Variants in PHACTR2 observed in about 807,000 individuals in gnomAD.
The protein encoded by PHACTR2 is chromosome 6 open reading frame 56.
In PHACTR2, 30 loss-of-function variants were observed where a neutral mutation model predicts 76.0. The observed-to-expected ratio is 0.39, with a 90% confidence interval of 0.30 to 0.54. The LOEUF (loss-of-function observed/expected upper bound fraction) is 0.54, where lower values mean the gene tolerates loss of function less well. Ranked by LOEUF, PHACTR2 falls within the 20% of genes least tolerant of loss-of-function variation. The pLI, the probability that PHACTR2 is intolerant of heterozygous loss-of-function variation, is 0.61. For missense variants in PHACTR2, 696 were observed against 781.1 expected, an observed-to-expected ratio of 0.89 and a Z score of 1.30; for synonymous variants, 292 against 292.5, an observed-to-expected ratio of 1.00 and a Z score of 0.02.
At chr6:143,701,693 T>A (rs1429668825) in intron 1 of PHACTR2, among the ~76,000 whole-genome samples, 1 of 152,244 alleles carries the variant, frequency 6.6e-6, no homozygotes, top group Non-Finnish European at 1.5e-5. Flanking sequence ...TTGCTTGGTC[T>A]CTCAGCCTCA....
upstream of PHACTR2, chr6:143,677,914 C>T (rs1777282449): frequency 1.6e-5 from 9 of 556,412 alleles, no homozygotes; most frequent in Non-Finnish European, 2.1e-5. Context: ...CACCCCCCTT[C>T]TTCCCCCGTG....
rs948697499 is a variant in PHACTR2, at chr6:143,774,607, T to G, written c.1589+392T>G. Among the ~76,000 whole-genome samples, 2 of 152,208 alleles carry G rather than the reference T, an allele frequency of 1.3e-5. No individual in the cohort carries two copies. Among genetic ancestry groups the G allele is most frequent in the Non-Finnish European group, 1.5e-5 (1 of 68,026 alleles). ...AACTTTATTTATTCATAAAGCTGGA[T>G]TTGGCCTGCAGATCACAGTTTGCTC... On this transcript the variant is annotated intron_variant, in intron 8 of 12. Transcript: ENST00000440869. This position sits in a 1 kb window ranked among gnomAD's most constrained non-coding sequence, Gnocchi z 5.4.
intron 1 of PHACTR2, among the ~76,000 whole-genome samples, chr6:143,691,899 A>C (rs1459077158): frequency 1.3e-5 from 2 of 152,310 alleles, no homozygotes; most frequent in East Asian, 3.9e-4. Flanking sequence ...CATTTATTTA[A>C]GACTTCTGTT....
At position 143,537,380 on chromosome 6, in the gene PHACTR2, G is replaced by A. The variant is rs1396201396; in HGVS notation, c.217+173G>A. 6.6e-6 allele frequency among the ~76,000 whole-genome samples: 1 copy of A among 152,052 alleles called. No homozygotes were observed. Among genetic ancestry groups the A allele is most frequent in the Non-Finnish European group, 1.5e-5 (1 of 67,968 alleles). On this transcript the variant is annotated intron_variant, in intron 1 of 11. Transcript: ENST00000367584. The surrounding 1 kb of genome is among the most constrained non-coding windows in gnomAD (Gnocchi z 4.4). ...GAACTCCCCACACTGCCGCCTCCTC[G>A]GCCGCCCGGGCTCGGCGACCCTAGG...
At chr6:143,711,737 T>C in intron 1 of PHACTR2, 1 of 626,646 alleles carries the variant, frequency 1.6e-6, no homozygotes, top group South Asian at 1.4e-5. Context: ...GATTCAGCTG[T>C]GTTGCACAGA....
In PHACTR2 at chr6:143,557,587, A is replaced by G. The variant is rs1362659752; in HGVS notation, c.217+20380A>G. 1 of 152,242 alleles carries G rather than the reference A, an allele frequency of 6.6e-6. No homozygotes were observed. The highest frequency in any genetic ancestry group is 2.4e-5 in the African/African-American group (1 of 41,432). The allele number at this position is 152,242 out of a possible 1,614,324, so 9.4% of individuals were successfully genotyped here. ...CAGGGTCTCGATTTTTCGAGAACTG[A>G]CCGGACCATGTGGACCTGGTCCAGC... On this transcript the variant is annotated intron_variant, in intron 1 of 11. Coordinates refer to the PHACTR2 transcript ENST00000367584. The surrounding 1 kb of genome is among the most constrained non-coding windows in gnomAD (Gnocchi z 5.5).
chr6:143,643,986 C>G (rs903922963), intron 1 of PHACTR2, among the ~76,000 whole-genome samples: 1 of 152,018 alleles, frequency 6.6e-6, no homozygotes, highest in Non-Finnish European at 1.5e-5. Context: ...ATCTGCCTAC[C>G]CCCAGGGTTT....
chr6:143,602,439 A>G lies in PHACTR2; in HGVS notation c.217+65232A>G, dbSNP rs1313249214. 6.6e-6 allele frequency among the ~76,000 whole-genome samples: 1 copy of G among 152,168 alleles called. No homozygotes were observed. The highest frequency in any genetic ancestry group is 1.5e-5 in the Non-Finnish European group (1 of 68,028). ...TTCTTGAGCCAGGACTCTCCATTCA[A>G]GCAGAGCCTGGCTCTGATTGCTCCT... On this transcript the variant is annotated intron_variant, in intron 1 of 11. Coordinates refer to the PHACTR2 transcript ENST00000367584. The surrounding 1 kb of genome is among the most constrained non-coding windows in gnomAD (Gnocchi z 6.1).
rs561661311 is a variant in PHACTR2, at chr6:143,643,322, C to T, written c.13+35000C>T. On this transcript the variant is annotated intron_variant, in intron 1 of 11. Coordinates refer to the PHACTR2 transcript ENST00000305766. ...TCTAGTTGGAGAATTTTTAGTGGTT[C>T]GATTTAGAAATATTTTCTTAAAAAT... 2.0e-5 allele frequency among the ~76,000 whole-genome samples: 3 copies of T among 152,104 alleles called. 1 individual carries two copies. In the South Asian group the frequency reaches 6.2e-4, roughly 32 times the overall value.
In PHACTR2 at chr6:143,830,114, T is replaced by C. The variant is rs1448395588; in HGVS notation, c.*6425T>C. The C allele has an allele frequency of 6.6e-6, 1 of 152,144 alleles. No individual in the cohort carries two copies. The highest frequency in any genetic ancestry group is 1.5e-5 in the Non-Finnish European group (1 of 68,010). The allele number at this position is 152,144 out of a possible 1,614,324, so 9.4% of individuals were successfully genotyped here. On this transcript the variant is annotated 3_prime_UTR_variant, in exon 13 of 13. Transcript: ENST00000440869. Reference sequence around the variant, plus strand: ...TCGCCTTCAGAAATAATCAGAATGATTCAAGGGTCAAACCACTTTCATCCC... The same window carrying C: ...TCGCCTTCAGAAATAATCAGAATGACTCAAGGGTCAAACCACTTTCATCCC...
At chr6:143,632,542 C>T (rs895935367) in intron 1 of PHACTR2, among the ~76,000 whole-genome samples, 10 of 152,144 alleles carry the variant, frequency 6.6e-5, no homozygotes, top group Non-Finnish European at 1.5e-4. Flanking sequence ...CTATGGACAT[C>T]CACCACTAGA....
At chr6:143,723,719 C>A (rs1380951416) in intron 2 of PHACTR2, among the ~76,000 whole-genome samples, 1 of 151,872 alleles carries the variant, frequency 6.6e-6, no homozygotes, top group Non-Finnish European at 1.5e-5. Context: ...GTGAGAGAAG[C>A]AAGACACTGG....
rs957679339 is a variant in PHACTR2, at chr6:143,633,630, G to C, written c.13+25308G>C. Among the ~76,000 whole-genome samples the C allele has an allele frequency of 6.6e-6, 1 of 152,128 alleles. No homozygotes were observed. Among genetic ancestry groups the C allele is most frequent in the African/African-American group, 2.4e-5 (1 of 41,426 alleles). ...TCTTGACATTGTCTTTCAGAGAGTA[G>C]AAGTTGTTAATTTTAATGAAGTCAA... On this transcript the variant is annotated intron_variant, in intron 1 of 11. Coordinates refer to the PHACTR2 transcript ENST00000305766. This position sits in a 1 kb window ranked among gnomAD's most constrained non-coding sequence, Gnocchi z 4.1.
rs1163244486 is a variant in PHACTR2, at chr6:143,659,689, G to C, written c.13+51367G>C. Among the ~76,000 whole-genome samples, 1 of 152,280 alleles carries C rather than the reference G, an allele frequency of 6.6e-6. No homozygotes were observed. Among genetic ancestry groups the C allele is most frequent in the African/African-American group, 2.4e-5 (1 of 41,556 alleles). ...GGATCACACAAAGGTGGATTACCTG[G>C]GGTCTACCTTCACATCTGTCCACCA... On this transcript the variant is annotated intron_variant, in intron 1 of 11. Transcript: ENST00000305766. The surrounding 1 kb of genome is among the most constrained non-coding windows in gnomAD (Gnocchi z 5.0).
intron 4 of PHACTR2, among the ~76,000 whole-genome samples, chr6:143,756,039 G>A (rs1779289618): frequency 6.6e-6 from 1 of 151,914 alleles, no homozygotes. Context: ...CCTGCATGAA[G>A]CCAACTTATT....
At position 143,806,708 on chromosome 6, in the gene PHACTR2, C is replaced by T. The variant is rs958358434; in HGVS notation, c.1846-349C>T. ...GTGGCTCATGCCTGTAATTTCAGCACTTTGAGAAACTGAGGTGAGAGGATC... is the reference window on the plus strand; with the variant it reads ...GTGGCTCATGCCTGTAATTTCAGCATTTTGAGAAACTGAGGTGAGAGGATC... On this transcript the variant is annotated intron_variant, in intron 11 of 12. Coordinates refer to ENST00000440869, the MANE Select transcript of PHACTR2 (RefSeq NM_001100164.2). The surrounding 1 kb of genome is among the most constrained non-coding windows in gnomAD (Gnocchi z 5.8). 6.6e-6 allele frequency among the ~76,000 whole-genome samples: 1 copy of T among 152,168 alleles called. No individual in the cohort carries two copies. The highest frequency in any genetic ancestry group is 2.4e-5 in the African/African-American group (1 of 41,434).
At chr6:143,716,242 G>A (rs1778298073) in intron 2 of PHACTR2, among the ~76,000 whole-genome samples, 1 of 152,196 alleles carries the variant, frequency 6.6e-6, no homozygotes, top group South Asian at 2.1e-4. Flanking sequence ...ATCCAGGTGA[G>A]CAGTATTAGA....
In PHACTR2 at chr6:143,787,122, C is replaced by T. The variant is rs938512729; in HGVS notation, c.1708-1651C>T. 2.0e-5 allele frequency among the ~76,000 whole-genome samples: 3 copies of T among 152,208 alleles called. No homozygotes were observed. The highest frequency in any genetic ancestry group is 4.4e-5 in the Non-Finnish European group (3 of 68,044). On this transcript the variant is annotated intron_variant, in intron 10 of 12. Coordinates refer to ENST00000440869, the MANE Select transcript of PHACTR2 (RefSeq NM_001100164.2). This position sits in a 1 kb window ranked among gnomAD's most constrained non-coding sequence, Gnocchi z 4.6. ...GGGCCCCTCCATGAGGCAGCAGTGCCAGCCCTTACCCTCTGCACCCACTTG... is the reference window on the plus strand; with the variant it reads ...GGGCCCCTCCATGAGGCAGCAGTGCTAGCCCTTACCCTCTGCACCCACTTG...
chr6:143,621,889 G>T lies in PHACTR2; in HGVS notation c.13+13567G>T, dbSNP rs1776161635. The stretch of plus-strand genomic sequence containing the variant: ...CTCTGGCTCCCTGAGTTCCTGCCTT[G>T]CTCACCTCTCACATTTTGCTGTTGT... On this transcript the variant is annotated intron_variant, in intron 1 of 11. Coordinates refer to the PHACTR2 transcript ENST00000305766. The surrounding 1 kb of genome is among the most constrained non-coding windows in gnomAD (Gnocchi z 4.1). 6.6e-6 allele frequency among the ~76,000 whole-genome samples: 1 copy of T among 152,180 alleles called. No homozygotes were observed. The highest frequency in any genetic ancestry group is 2.4e-5 in the African/African-American group (1 of 41,432).
Sources: gnomAD v4.1 joint callset for allele counts (sites outside exome capture counted in the v4.1 genomes callset) on GRCh38, gnomAD v4.1.1 for gene constraint, Gnocchi (gnomAD v3.1) non-coding constraint, MANE v1.5 for transcripts, NCBI Gene and HGNC (gene_info 2026-07-23, HGNC 2026-07-21) for gene names.